The following NPFFR2 variants were observed in gnomAD, a reference collection of about 807,000 sequenced individuals.
The protein encoded by NPFFR2 is neuropeptide FF receptor 2.
A neutral mutation model predicts 13.1 loss-of-function variants in NPFFR2; 15 were observed. That is an observed-to-expected ratio of 1.15 (90% CI 0.77 to 1.76). NPFFR2 has a LOEUF of 1.76. Among genes scored for constraint, NPFFR2 ranks in the 40% most tolerant of loss-of-function variants. The pLI, the probability that NPFFR2 is intolerant of heterozygous loss-of-function variation, is 0.00. For missense variants in NPFFR2, 572 were observed against 503.5 expected (o/e 1.14, Z -1.30); for synonymous variants, 190 against 175.7 (o/e 1.08, Z -0.65).
chr4:72,118,011 AAAGG>A (rs1721761822), intron 1 of NPFFR2, among the ~76,000 whole-genome samples: 1 of 152,180 alleles, frequency 6.6e-6, no homozygotes. Flanking sequence ...AGAAAGGAAA[AAAGG>A]AAGGAAGGGG....
intron 2 of NPFFR2, among the ~76,000 whole-genome samples, chr4:72,137,205 G>A (rs1478063064): frequency 6.6e-6 from 1 of 152,048 alleles, no homozygotes; most frequent in African/African-American, 2.4e-5. Context: ...TACTTTATGT[G>A]TAAGAATATT....
At chr4:72,053,714 A>C (rs192599193) in intron 1 of NPFFR2, among the ~76,000 whole-genome samples, 1 of 151,992 alleles carries the variant, frequency 6.6e-6, no homozygotes, top group African/African-American at 2.4e-5. Flanking sequence ...GTACACAATC[A>C]TGCATTATGC....
At chr4:72,138,212 CCTA>C (rs1722479216) in intron 3 of NPFFR2, 73 bp downstream of exon 3, 6 of 913,658 alleles carry the variant, frequency 6.6e-6, no homozygotes, top group Non-Finnish European at 1.1e-5. Flanking sequence ...AAATATATAA[CCTA>C]CTAAATTTGG....
At chr4:72,088,322 A>C (rs1269220065) in intron 1 of NPFFR2, among the ~76,000 whole-genome samples, 1 of 151,960 alleles carries the variant, frequency 6.6e-6, no homozygotes, top group Non-Finnish European at 1.5e-5. Context: ...TTCTTTCCTG[A>C]GTGTCTCTAA....
At chr4:72,079,703 A>G (rs562528076) in intron 1 of NPFFR2, among the ~76,000 whole-genome samples, 1 of 152,314 alleles carries the variant, frequency 6.6e-6, no homozygotes, top group African/African-American at 2.4e-5. Flanking sequence ...TGTTCAAACT[A>G]CACATCTGAT....
At chr4:72,114,789 A>G (rs1229105752) in intron 1 of NPFFR2, among the ~76,000 whole-genome samples, 1 of 152,086 alleles carries the variant, frequency 6.6e-6, no homozygotes, top group Non-Finnish European at 1.5e-5. Context: ...GACTCTTCCT[A>G]TTGATTGTAA....
chr4:72,051,676 A>G (rs1307378484), intron 1 of NPFFR2, among the ~76,000 whole-genome samples: 1 of 152,028 alleles, frequency 6.6e-6, no homozygotes, highest in Admixed American at 6.6e-5. Flanking sequence ...GAGACACAAA[A>G]AACCCTTCAA....
intron 1 of NPFFR2, among the ~76,000 whole-genome samples, chr4:72,119,206 A>G (rs1158087660): frequency 6.6e-6 from 1 of 152,186 alleles, no homozygotes; most frequent in Non-Finnish European, 1.5e-5. Flanking sequence ...AAAATTTCCA[A>G]TAGATAATGG....
intron 1 of NPFFR2, among the ~76,000 whole-genome samples, chr4:72,049,763 T>C (rs1719487043): frequency 1.3e-5 from 2 of 151,608 alleles, no homozygotes; most frequent in African/African-American, 2.4e-5. Context: ...TCCCAGCTCC[T>C]GGCCAGACCT....
At chr4:72,056,411 C>T (rs4362790) in intron 1 of NPFFR2, among the ~76,000 whole-genome samples, 135,501 of 151,994 alleles carry the variant, frequency 0.89, 61,504 homozygotes, top group Non-Finnish European at 0.98. Context: ...AAGAAGATTC[C>T]TTTCAAAACA....
intron 1 of NPFFR2, among the ~76,000 whole-genome samples, chr4:72,110,932 T>C (rs958779586): frequency 1.1e-4 from 17 of 151,974 alleles, no homozygotes; most frequent in Admixed American, 1.1e-3. Flanking sequence ...ATAGCATTCT[T>C]AGATTGAAGA....
chr4:72,139,538 C>T (rs1055340003), intron 3 of NPFFR2, among the ~76,000 whole-genome samples: 3 of 152,010 alleles, frequency 2.0e-5, no homozygotes, highest in South Asian at 2.1e-4. Context: ...TGCTTGTTTT[C>T]GTCAGGTTTG....
At chr4:72,080,626 G>T (rs1720589583) in intron 1 of NPFFR2, among the ~76,000 whole-genome samples, 2 of 152,092 alleles carry the variant, frequency 1.3e-5, no homozygotes, top group African/African-American at 4.8e-5. Flanking sequence ...CTCAATTTCA[G>T]CTGAGATCCA....
intron 1 of NPFFR2, among the ~76,000 whole-genome samples, chr4:72,074,313 A>G (rs1196132251): frequency 6.6e-6 from 1 of 152,030 alleles, no homozygotes. Context: ...TTCACCTCAT[A>G]AATCTCATCA....
intron 3 of NPFFR2, among the ~76,000 whole-genome samples, chr4:72,140,823 T>C (rs780258397): frequency 5.9e-5 from 9 of 152,160 alleles, no homozygotes; most frequent in Non-Finnish European, 1.2e-4. Context: ...ATTGGAATAG[T>C]TTCAGAAGGT....
At chr4:72,113,538 AT>A (rs199727335) in intron 1 of NPFFR2, among the ~76,000 whole-genome samples, 2,713 of 152,122 alleles carry the variant, frequency 0.018, 86 homozygotes, top group African/African-American at 0.062. Context: ...TCTTCACTAT[AT>A]TTTTTATATA....
intron 1 of NPFFR2, among the ~76,000 whole-genome samples, chr4:72,040,740 T>A (rs1170647235): frequency 6.6e-6 from 1 of 151,966 alleles, no homozygotes; most frequent in Non-Finnish European, 1.5e-5. Context: ...TAAATTGATA[T>A]GTTAATTTGG....
intron 1 of NPFFR2, among the ~76,000 whole-genome samples, chr4:72,090,638 T>C (rs1336633260): frequency 6.6e-6 from 1 of 152,138 alleles, no homozygotes; most frequent in Non-Finnish European, 1.5e-5. Flanking sequence ...TGGTCACTGT[T>C]GGTGTTTAGC....
chr4:72,051,219 A>G (rs1394776304), intron 1 of NPFFR2, among the ~76,000 whole-genome samples: 1 of 151,926 alleles, frequency 6.6e-6, no homozygotes, highest in Non-Finnish European at 1.5e-5. Flanking sequence ...ACTCGTTTAC[A>G]GTCCCACCAA....
Sources: gnomAD v4.1 joint callset for allele counts (sites outside exome capture counted in the v4.1 genomes callset) on GRCh38, gnomAD v4.1.1 for gene constraint, MANE v1.5 for transcripts, NCBI Gene and HGNC (gene_info 2026-07-23, HGNC 2026-07-21) for gene names.